PDLIM1: variants seen among roughly 807,000 people sequenced by gnomAD.
The protein encoded by PDLIM1 is PDZ and LIM domain protein 1.
Under a neutral mutation model 35.2 loss-of-function variants are expected in PDLIM1, and 25 were observed. That is an observed-to-expected ratio of 0.71 (90% CI 0.52 to 0.99). The LOEUF (loss-of-function observed/expected upper bound fraction) is 0.99. Ranked by LOEUF, PDLIM1 falls within the 50% of genes least tolerant of loss-of-function variation. The probability of loss-of-function intolerance (pLI) is 0.00; values close to 1 mark genes in which losing one functional copy is unlikely to be tolerated. For missense variants in PDLIM1, 363 were observed against 415.3 expected, an observed-to-expected ratio of 0.87 and a Z score of 1.09; for synonymous variants, 152 against 154.0, an observed-to-expected ratio of 0.99 and a Z score of 0.10.
rs74432005 is a variant in PDLIM1 at position 95,277,164 on chromosome 10, G to A, written c.97-5380C>T. Among the ~76,000 whole-genome samples, 1,330 of 152,124 alleles carry A rather than the reference G, an allele frequency of 8.7e-3. 26 individuals are homozygous for A. Among genetic ancestry groups the A allele is most frequent in the African/African-American group, 0.031 (1,269 of 41,476 alleles). On this transcript the variant is annotated intron_variant, in intron 1 of 6. Transcript: ENST00000329399. ...CAGGAGGTAGAGGCTGCAGTGAGCT[G>A]AGACTGTGCCACTGAACTCCAGCCT...
intron 5 of PDLIM1, among the ~76,000 whole-genome samples, chr10:95,245,118 C>T (rs1056976357): frequency 3.3e-5 from 5 of 152,308 alleles, no homozygotes; most frequent in Admixed American, 2.0e-4. Flanking sequence ...ACCATCCAGA[C>T]TAAGGGCTAA....
intron 1 of PDLIM1, among the ~76,000 whole-genome samples, chr10:95,287,914 T>TCA (rs56009233): frequency 0.24 from 35,431 of 150,320 alleles, 4,309 homozygotes; most frequent in African/African-American, 0.28. Context: ...AAGAAGCTGT[T>TCA]CACACACACA....
At chr10:95,240,989 G>C (rs2035172922) in intron 5 of PDLIM1, among the ~76,000 whole-genome samples, 1 of 147,048 alleles carries the variant, frequency 6.8e-6, no homozygotes, top group Admixed American at 6.9e-5. Flanking sequence ...CCAGGATGGG[G>C]CCTAAGACTG....
At chr10:95,258,463 C>T (rs756761489) in intron 4 of PDLIM1, among the ~76,000 whole-genome samples, 77 of 151,898 alleles carry the variant, frequency 5.1e-4, no homozygotes, top group Non-Finnish European at 9.7e-4. Flanking sequence ...GATCGCGCCA[C>T]TGCACTCCAG....
chr10:95,257,819 G>C (rs1366697863), intron 4 of PDLIM1, among the ~76,000 whole-genome samples: 2 of 152,084 alleles, frequency 1.3e-5, no homozygotes, highest in Non-Finnish European at 2.9e-5. Context: ...AATGAAGAAG[G>C]ATCTCAAAGA....
intron 5 of PDLIM1, among the ~76,000 whole-genome samples, chr10:95,239,522 A>ACAGTAGCT (rs2035158071): frequency 6.6e-6 from 1 of 152,218 alleles, no homozygotes. Flanking sequence ...TAAGCCGGGC[A>ACAGTAGCT]CAGTAGCTCA....
At chr10:95,242,930 C>T (rs1370741346) in intron 5 of PDLIM1, among the ~76,000 whole-genome samples, 4 of 152,082 alleles carry the variant, frequency 2.6e-5, no homozygotes, top group African/African-American at 9.7e-5. Context: ...GGCTGAGAAC[C>T]AGCTCAATGA....
chr10:95,265,028 C>A (rs1275250726), intron 3 of PDLIM1, among the ~76,000 whole-genome samples: 1 of 152,174 alleles, frequency 6.6e-6, no homozygotes, highest in East Asian at 1.9e-4. Context: ...ATGCTCTGTG[C>A]AGCCAGCTGA....
intron 5 of PDLIM1, among the ~76,000 whole-genome samples, chr10:95,241,594 G>A (rs1024228939): frequency 2.0e-5 from 3 of 152,108 alleles, no homozygotes; most frequent in African/African-American, 7.2e-5. Context: ...GACTCATATG[G>A]CCCAAAATGT....
intron 4 of PDLIM1, among the ~76,000 whole-genome samples, chr10:95,256,509 AAATAG>A (rs1309078333): frequency 1.3e-5 from 2 of 152,228 alleles, no homozygotes; most frequent in Admixed American, 6.5e-5. Context: ...GAGACCAATG[AAATAG>A]AATAGAGAGC....
intron 4 of PDLIM1, among the ~76,000 whole-genome samples, chr10:95,262,754 C>G (rs1339496907): frequency 5.3e-5 from 8 of 152,178 alleles, no homozygotes; most frequent in Non-Finnish European, 1.2e-4. Flanking sequence ...AAACCCAGTT[C>G]CTTTGCTGGG....
At chr10:95,254,684 A>G (rs956473316) in intron 4 of PDLIM1, among the ~76,000 whole-genome samples, 1 of 152,118 alleles carries the variant, frequency 6.6e-6, no homozygotes, top group Non-Finnish European at 1.5e-5. Flanking sequence ...TGGGAGGTCA[A>G]TGCAGGAGGA....
At chr10:95,266,214 A>G (rs1441852138) in intron 3 of PDLIM1, among the ~76,000 whole-genome samples, 2 of 152,210 alleles carry the variant, frequency 1.3e-5, no homozygotes, top group African/African-American at 4.8e-5. Flanking sequence ...AAAAATAAAA[A>G]TAAATAACAA....
At chr10:95,260,003 A>G (rs189066358) in intron 4 of PDLIM1, among the ~76,000 whole-genome samples, 1 of 152,182 alleles carries the variant, frequency 6.6e-6, no homozygotes, top group Non-Finnish European at 1.5e-5. Context: ...TCTCCATTAC[A>G]TTTGTCTATG....
intron 4 of PDLIM1, among the ~76,000 whole-genome samples, chr10:95,260,359 G>C (rs1424391089): frequency 6.6e-6 from 1 of 152,064 alleles, no homozygotes; most frequent in Non-Finnish European, 1.5e-5. Context: ...AATGAAATCT[G>C]GGCTCTGAAT....
intron 3 of PDLIM1, among the ~76,000 whole-genome samples, chr10:95,265,522 G>T (rs947170865): frequency 6.8e-6 from 1 of 147,178 alleles, no homozygotes; most frequent in East Asian, 2.0e-4. Context: ...TTGAACCCAG[G>T]AGGCAGAGGT....
intron 6 of PDLIM1, 36 bp from the exon 7 acceptor site, chr10:95,238,147 G>A: frequency 6.3e-7 from 1 of 1,590,286 alleles, no homozygotes; most frequent in Non-Finnish European, 8.6e-7. Context: ...CTCCATCAGT[G>A]ACAAGCACCT....
chr10:95,289,364 C>T (rs941566873), intron 1 of PDLIM1, among the ~76,000 whole-genome samples: 2 of 152,134 alleles, frequency 1.3e-5, no homozygotes, highest in African/African-American at 2.4e-5. Flanking sequence ...ACAGTTCCTG[C>T]GCTTGAGGAA....
In PDLIM1 at chr10:95,257,034, G is replaced by A. The variant is rs113904229; in HGVS notation, c.533+6830C>T. On this transcript the variant is annotated intron_variant, in intron 4 of 6. Transcript: ENST00000329399. ...AGAAAGAAAGAAAGAAAGAAAGAAA[G>A]AAAGAATTCAAAATAGATTAAAGAC... Among the ~76,000 whole-genome samples the A allele has an allele frequency of 1.7e-3, 174 of 103,836 alleles. 3 individuals are homozygous for A. The highest frequency in any genetic ancestry group is 4.8e-3 in the African/African-American group (134 of 28,032). The allele number at this position is 103,836 out of a possible 152,430, so 68.1% of individuals were successfully genotyped here.
Sources: gnomAD v4.1 joint callset for allele counts (sites outside exome capture counted in the v4.1 genomes callset) on GRCh38, gnomAD v4.1.1 for gene constraint, MANE v1.5 for transcripts, NCBI Gene and HGNC (gene_info 2026-07-23, HGNC 2026-07-21) for gene names.